Variants in DRC3 observed in about 807,000 individuals in gnomAD.
The protein encoded by DRC3 is leucine rich repeat containing 48.
In DRC3, 45 loss-of-function variants were observed where a neutral mutation model predicts 57.6. The observed-to-expected ratio is 0.78, with a 90% confidence interval of 0.62 to 1.00. DRC3 has a LOEUF of 1.00. Ranked by LOEUF, DRC3 falls within the 50% of genes least tolerant of loss-of-function variation. The probability of loss-of-function intolerance (pLI) is 0.00; values close to 1 mark genes in which losing one functional copy is unlikely to be tolerated. For missense variants in DRC3, 655 were observed against 675.2 expected (o/e 0.97, Z 0.33); for synonymous variants, 257 against 272.3 (o/e 0.94, Z 0.55).
At chr17:17,982,932 A>G (rs1263148509) in intron 3 of DRC3, among the ~76,000 whole-genome samples, 2 of 152,252 alleles carry the variant, frequency 1.3e-5, no homozygotes, top group Non-Finnish European at 2.9e-5. Flanking sequence ...CAAATATGGA[A>G]AAAAGGAGCA....
chr17:18,014,173 C>T (rs2044272833), intron 12 of DRC3, among the ~76,000 whole-genome samples: 1 of 152,190 alleles, frequency 6.6e-6, no homozygotes, highest in Non-Finnish European at 1.5e-5. Flanking sequence ...CCCACCTTCC[C>T]GCCTTGGCCT....
At chr17:17,978,797 C>T (rs1479619522) in intron 3 of DRC3, among the ~76,000 whole-genome samples, 1 of 152,208 alleles carries the variant, frequency 6.6e-6, no homozygotes. Context: ...ACCGCTTGCC[C>T]TCTGTTTCCC....
chr17:17,978,403 C>T lies in DRC3; in HGVS notation c.160+645C>T, dbSNP rs373024294. Among the ~76,000 whole-genome samples the T allele has an allele frequency of 1.6e-4, 25 of 152,230 alleles. No homozygotes were observed. The East Asian group carries it at 4.2e-3, about 26-fold the overall frequency. ...CACAGTGCCTGGCTCACACAGCAAGCCAGGCACAGTAAGTGAAGGCAGAGG... is the reference window on the plus strand; with the variant it reads ...CACAGTGCCTGGCTCACACAGCAAGTCAGGCACAGTAAGTGAAGGCAGAGG... On this transcript the variant is annotated intron_variant, in intron 3 of 13. Transcript: ENST00000399187.
chr17:18,016,829 A>G lies in DRC3; in HGVS notation c.*158A>G. On this transcript the variant is annotated 3_prime_UTR_variant, in exon 14 of 14. Coordinates refer to ENST00000399187, the MANE Select transcript of DRC3 (RefSeq NM_031294.4). ...TCCCCCACCCCTGGAAAAACTTCCAAAAGTAGAGAAAATAAAGGACTCATT... is the reference window on the plus strand; with the variant it reads ...TCCCCCACCCCTGGAAAAACTTCCAGAAGTAGAGAAAATAAAGGACTCATT... The G allele has an allele frequency of 2.0e-6, 1 of 511,904 alleles. No homozygotes were observed. Among genetic ancestry groups the G allele is most frequent in the Non-Finnish European group, 3.5e-6 (1 of 288,420 alleles). 31.7% of individuals were successfully genotyped at this position (511,904 alleles called of 1,614,324 possible). A position where few individuals can be genotyped will look rare whatever the true frequency, so the allele number is the denominator to read the frequency against.
At chr17:18,006,053 G>T (rs1363901111) in intron 10 of DRC3, 130 bp from the exon 11 acceptor site, 5 of 694,220 alleles carry the variant, frequency 7.2e-6, no homozygotes, top group Non-Finnish European at 1.0e-5. Flanking sequence ...GCTCAGGAGG[G>T]TCAAGATGGG....
chr17:17,993,634 G>T (rs377166080), intron 6 of DRC3: 2 of 152,838 alleles, frequency 1.3e-5, no homozygotes, highest in Non-Finnish European at 2.9e-5. Flanking sequence ...GGCCATCAGA[G>T]GCTCAGGCCT....
At chr17:17,981,607 A>G in intron 3 of DRC3, 1 of 152,604 alleles carries the variant, frequency 6.6e-6, no homozygotes, top group Non-Finnish European at 1.5e-5. Context: ...CTGGCAGGGG[A>G]CACAGTGGGG....
In DRC3 at chr17:17,999,088, G is replaced by A. The variant is rs143800646; in HGVS notation, c.999+1454G>A. On this transcript the variant is annotated intron_variant, in intron 9 of 13. Coordinates refer to ENST00000399187, the MANE Select transcript of DRC3 (RefSeq NM_031294.4). The stretch of plus-strand genomic sequence containing the variant: ...CTGGGCTTGGGAGTGTCAGCTAGCT[G>A]GCTCTTCCTGAGGCCTGGTGCAGGG... Among the ~76,000 whole-genome samples, 66 of 152,252 alleles carry A rather than the reference G, an allele frequency of 4.3e-4. No homozygotes were observed. In the East Asian group the frequency reaches 0.011, roughly 26 times the overall value.
chr17:17,991,373 C>T (rs375742179), intron 5 of DRC3, among the ~76,000 whole-genome samples: 71 of 148,910 alleles, frequency 4.8e-4, no homozygotes, highest in Non-Finnish European at 8.0e-4. Flanking sequence ...TCACTGCAAC[C>T]TCCGCCTCTT....
At chr17:18,000,111 T>C (rs1000883859) in intron 9 of DRC3, among the ~76,000 whole-genome samples, 1 of 146,808 alleles carries the variant, frequency 6.8e-6, no homozygotes, top group Admixed American at 6.8e-5. Flanking sequence ...TGTGTGAGCA[T>C]AGCATGCCTT....
At chr17:17,977,954 G>A (rs897852787) in intron 3 of DRC3, 196 bp downstream of exon 3, 2 of 513,816 alleles carry the variant, frequency 3.9e-6, no homozygotes, top group East Asian at 3.4e-5. Flanking sequence ...TTCATCATTT[G>A]AATATCCACG....
rs905392836 is a variant in DRC3 at position 17,974,441 on chromosome 17, G to C, written c.-18+479G>C. Among the ~76,000 whole-genome samples the C allele has an allele frequency of 2.6e-5, 4 of 152,182 alleles. No homozygotes were observed. The Middle Eastern group carries it at 0.014, about 518-fold the overall frequency. The stretch of plus-strand genomic sequence containing the variant: ...GGCTGGAGTGCAATGGCACGATCTC[G>C]GCTCACCGCAACCTCCGCCTCCCGG... On this transcript the variant is annotated intron_variant, in intron 2 of 13. Transcript: ENST00000399187.
chr17:18,000,011 C>G (rs990976982), intron 9 of DRC3, among the ~76,000 whole-genome samples: 1 of 151,268 alleles, frequency 6.6e-6, no homozygotes, highest in Non-Finnish European at 1.5e-5. Flanking sequence ...ATGCCCTGTT[C>G]TGTACTTTGC....
Position 17,992,789 on chromosome 17 carries a change from T to G in DRC3, c.469T>G (p.Cys157Gly). Residue 157 changes from cysteine (C) to glycine (G), a missense_variant, in exon 6 of 14, where the codon TGC becomes GGC. Transcript: ENST00000399187. ...GATCATCTACCTCCGGCGGTTCAAG[T>G]GCCTGCGGACGCTCAGCCTCTCTAG... ...MNIIYLRRFK[C>G]LRTLSLSRNP... The G allele has an allele frequency of 6.2e-7, 1 of 1,613,762 alleles. No homozygotes were observed. The highest frequency in any genetic ancestry group is 8.5e-7 in the Non-Finnish European group (1 of 1,179,798).
chr17:17,995,307 G>C (rs1460454810), intron 8 of DRC3, among the ~76,000 whole-genome samples, 196 bp downstream of exon 8: 2 of 152,252 alleles, frequency 1.3e-5, no homozygotes, highest in African/African-American at 4.8e-5. Flanking sequence ...ATGCTGTCTG[G>C]ATTTCAGGGA....
At chr17:18,011,605 G>T in intron 12 of DRC3, 2 of 171,370 alleles carry the variant, frequency 1.2e-5, no homozygotes, top group South Asian at 2.5e-4. Context: ...GTCCAGTATT[G>T]ACAACTGCTA....
intron 12 of DRC3, among the ~76,000 whole-genome samples, chr17:18,009,792 A>C: frequency 6.6e-6 from 1 of 152,216 alleles, no homozygotes; most frequent in Non-Finnish European, 1.5e-5. Flanking sequence ...TGATGAGGTT[A>C]TCTCTAAAAC....
intron 2 of DRC3, 145 bp from the exon 3 acceptor site, chr17:17,977,437 G>T: frequency 1.1e-6 from 1 of 933,296 alleles, no homozygotes. Context: ...TACAAACCCC[G>T]AGATGCAGCA....
In DRC3 at chr17:18,007,133, A is replaced by G. The variant is rs201906441; in HGVS notation, c.1312A>G (p.Asn438Asp). The G allele has an allele frequency of 6.5e-5, 67 of 1,035,514 alleles. No individual in the cohort carries two copies. In the Admixed American group the frequency reaches 1.6e-3, roughly 25 times the overall value. The allele number at this position is 1,035,514 out of a possible 1,614,324, so 64.1% of individuals were successfully genotyped here. A position where few individuals can be genotyped will look rare whatever the true frequency, so the allele number is the denominator to read the frequency against. The part of the protein sequence containing the change: ...VEGDLDEDLP[N>D]DLRALFVDKD... ...GGGCGACCTGGACGAGGACCTGCCT[A>G]ACGACCTGCGCGCGGTAGGCGGGGC... is the stretch of plus-strand genomic sequence containing the variant. Residue 438 changes from asparagine to aspartate, a missense_variant, in exon 12 of 14, where the codon AAC becomes GAC. Asn to Asp is a conservative substitution (Grantham distance 23). Transcript: ENST00000399187.
Sources: allele counts gnomAD v4.1 joint callset (sites outside exome capture counted in the v4.1 genomes callset), GRCh38; gene constraint gnomAD v4.1.1; transcripts MANE v1.5; gene names NCBI Gene and HGNC (gene_info 2026-07-23, HGNC 2026-07-21).